PRKG2: variants seen among roughly 807,000 people sequenced by gnomAD.
PRKG2 encodes protein kinase cGMP-dependent 2.
A neutral mutation model predicts 97.2 loss-of-function variants in PRKG2; 33 were observed. That is an observed-to-expected ratio of 0.34 (90% confidence interval 0.26 to 0.45). The LOEUF is 0.45. Ranked by LOEUF, PRKG2 falls within the 20% of genes least tolerant of loss-of-function variation. PRKG2 has a pLI of 1.00. For missense variants in PRKG2, 638 were observed against 900.0 expected (o/e 0.71, Z 3.73); for synonymous variants, 330 against 321.8 (o/e 1.03, Z -0.27).
At chr4:81,183,715 A>G (rs1279115048) in intron 2 of PRKG2, among the ~76,000 whole-genome samples, 1 of 152,010 alleles carries the variant, frequency 6.6e-6, no homozygotes, top group African/African-American at 2.4e-5. Flanking sequence ...TCCCACCCCC[A>G]CAGAGACCAG....
At chr4:81,142,335 A>G (rs1451569968) in intron 11 of PRKG2, among the ~76,000 whole-genome samples, 1 of 152,256 alleles carries the variant, frequency 6.6e-6, no homozygotes, top group East Asian at 1.9e-4. Flanking sequence ...AATGAAGGTG[A>G]AATACAGACA....
At chr4:81,106,956 A>C (rs573828159) in intron 15 of PRKG2, among the ~76,000 whole-genome samples, 12 of 152,218 alleles carry the variant, frequency 7.9e-5, no homozygotes, top group Non-Finnish European at 1.0e-4. Flanking sequence ...GCAGCTGTGA[A>C]AAATAAATGT....
At chr4:81,140,392 A>G in intron 12 of PRKG2, 141 bp downstream of exon 12, 8 of 686,814 alleles carry the variant, frequency 1.2e-5, no homozygotes, top group African/African-American at 1.8e-5. Flanking sequence ...TGCCTGTATC[A>G]AAACATTTCA....
At chr4:81,155,345 A>C (rs945412872) in intron 6 of PRKG2, among the ~76,000 whole-genome samples, 3 of 152,028 alleles carry the variant, frequency 2.0e-5, no homozygotes, top group Non-Finnish European at 4.4e-5. Flanking sequence ...GGAAGATGAA[A>C]TGAATGAAAT....
rs543516911 is a variant in PRKG2, at chr4:81,138,616, GTGT to G, written c.1545-1137_1545-1135del. ...ATTCTAATTGACCAGTGAGATAAAT[GTGT>G]TGATTATCTATACATATAGATATAG... On this transcript the variant is annotated intron_variant, in intron 12 of 18. Coordinates refer to ENST00000264399, the MANE Select transcript of PRKG2 (RefSeq NM_006259.3). Among the ~76,000 whole-genome samples, 491 of 152,114 alleles carry G rather than the reference GTGT, an allele frequency of 3.2e-3. 1 individual carries two copies. The highest frequency in any genetic ancestry group is 6.8e-3 in the Middle Eastern group (2 of 294).
chr4:81,100,376 A>C (rs2109959387), intron 17 of PRKG2, among the ~76,000 whole-genome samples: 1 of 152,310 alleles, frequency 6.6e-6, no homozygotes, highest in South Asian at 2.1e-4. Flanking sequence ...ATGCAGACCA[A>C]TGGAACAGAA....
chr4:81,187,091 T>C lies in PRKG2; in HGVS notation c.462-12132A>G, dbSNP rs532676941. Among the ~76,000 whole-genome samples, 129 of 151,958 alleles carry C rather than the reference T, an allele frequency of 8.5e-4. 2 individuals carry two copies. The South Asian group carries it at 0.023, about 28-fold the overall frequency. Reference sequence around the variant, plus strand: ...TTCCTTCTGAAACTATTCCAAACAATAGAAAAAGAGGGACTCCTCCCTAAC... The same window carrying C: ...TTCCTTCTGAAACTATTCCAAACAACAGAAAAAGAGGGACTCCTCCCTAAC... On this transcript the variant is annotated intron_variant, in intron 2 of 18. Coordinates refer to ENST00000264399, the MANE Select transcript of PRKG2 (RefSeq NM_006259.3).
At chr4:81,115,864 TTTATACACTTTTG>T (rs2109991638) in intron 14 of PRKG2, among the ~76,000 whole-genome samples, 1 of 152,328 alleles carries the variant, frequency 6.6e-6, no homozygotes, top group South Asian at 2.1e-4. Flanking sequence ...CAATAAAGCT[TTTATACACTTTTG>T]TTAGAGTTAG....
chr4:81,124,652 TGAGGGA>T (rs1745380828), intron 14 of PRKG2, among the ~76,000 whole-genome samples: 1 of 152,150 alleles, frequency 6.6e-6, no homozygotes, highest in Non-Finnish European at 1.5e-5. Context: ...TTGCAGCACA[TGAGGGA>T]GTCACCTTGG....
chr4:81,116,249 A>G (rs907137457), intron 14 of PRKG2, among the ~76,000 whole-genome samples: 3 of 152,040 alleles, frequency 2.0e-5, no homozygotes, highest in Non-Finnish European at 2.9e-5. Context: ...TATATACTCA[A>G]TATTTAGCTC....
At chr4:81,124,618 A>T (rs1745378517) in intron 14 of PRKG2, among the ~76,000 whole-genome samples, 1 of 152,118 alleles carries the variant, frequency 6.6e-6, no homozygotes, top group Non-Finnish European at 1.5e-5. Flanking sequence ...GAATTAAGGC[A>T]CCCAACTAAC....
chr4:81,135,163 G>T lies in PRKG2; in HGVS notation c.1768C>A (p.Leu590Ile). Residue 590 changes from leucine (L) to isoleucine (I), a missense_variant, in exon 14 of 19, where the codon CTT (leucine) becomes ATT (isoleucine). By Grantham distance (5) the Leu-to-Ile change is conservative (BLOSUM62 2). Transcript: ENST00000264399. Reference sequence around the variant, plus strand: ...GAGAAAAGTTGTCTTACCAATTTAAGGTAACCCTCAGCATCTAGAATTAAG... The same window carrying T: ...GAGAAAAGTTGTCTTACCAATTTAATGTAACCCTCAGCATCTAGAATTAAG... ...ENLILDAEGY[L>I]KLVDFGFAKK... 1 of 1,603,712 alleles carries T rather than the reference G, an allele frequency of 6.2e-7. No individual in the cohort carries two copies. Among genetic ancestry groups the T allele is most frequent in the Non-Finnish European group, 8.5e-7 (1 of 1,174,720 alleles).
At chr4:81,200,436 C>A (rs1043198510) in intron 2 of PRKG2, among the ~76,000 whole-genome samples, 1 of 152,194 alleles carries the variant, frequency 6.6e-6, no homozygotes, top group African/African-American at 2.4e-5. Flanking sequence ...CTGCTCAACT[C>A]CACATGGATG....
intron 9 of PRKG2, 74 bp downstream of exon 9, chr4:81,148,810 C>A: frequency 3.2e-6 from 4 of 1,234,462 alleles, no homozygotes; most frequent in South Asian, 2.5e-5. Context: ...GAAAACAGAT[C>A]GGCCTTGAAG....
At chr4:81,159,521 C>G (rs1450496110) in intron 6 of PRKG2, among the ~76,000 whole-genome samples, 2 of 152,036 alleles carry the variant, frequency 1.3e-5, no homozygotes, top group Non-Finnish European at 2.9e-5. Context: ...GGACTGTAAA[C>G]TAGTTCAACC....
intron 5 of PRKG2, among the ~76,000 whole-genome samples, chr4:81,167,843 C>G (rs376196471): frequency 4.0e-5 from 6 of 149,936 alleles, no homozygotes; most frequent in African/African-American, 1.5e-4. Context: ...AACTTCAGAA[C>G]GCAGATACTC....
chr4:81,208,733 T>G (rs1753811571), intron 1 of PRKG2, among the ~76,000 whole-genome samples: 1 of 152,164 alleles, frequency 6.6e-6, no homozygotes, highest in South Asian at 2.1e-4. Flanking sequence ...TGGGAGGTGG[T>G]GGCCGGGAGT....
At chr4:81,113,430 T>C (rs1440646961) in intron 14 of PRKG2, among the ~76,000 whole-genome samples, 3 of 152,206 alleles carry the variant, frequency 2.0e-5, no homozygotes, top group East Asian at 3.9e-4. Flanking sequence ...GAGGAAGTTG[T>C]ACACAGGTTT....
rs193121751 is a variant in PRKG2 at position 81,185,697 on chromosome 4, A to T, written c.462-10738T>A. On this transcript the variant is annotated intron_variant, in intron 2 of 18. Coordinates refer to ENST00000264399, the MANE Select transcript of PRKG2 (RefSeq NM_006259.3). ...AGACTTGGCAAACTGGATAGAGTCA[A>T]GACCCCTCGGGGTGCTGTGTTCAGG... Among the ~76,000 whole-genome samples the T allele has an allele frequency of 5.3e-3, 808 of 152,280 alleles. 8 individuals carry two copies. The highest frequency in any genetic ancestry group is 0.019 in the African/African-American group (771 of 41,544).
Sources: gnomAD v4.1 joint callset for allele counts (sites outside exome capture counted in the v4.1 genomes callset) on GRCh38, gnomAD v4.1.1 for gene constraint, MANE v1.5 for transcripts, NCBI Gene and HGNC (gene_info 2026-07-23, HGNC 2026-07-21) for gene names.